The following TBC1D19 variants were observed in gnomAD, a reference collection of about 807,000 sequenced individuals.
The protein encoded by TBC1D19 is TBC1 domain family, member 19.
Under a neutral mutation model 89.0 loss-of-function variants are expected in TBC1D19, and 60 were observed. The observed-to-expected ratio is 0.67, with a 90% CI of 0.55 to 0.84. TBC1D19 has a LOEUF of 0.84. Ranked by LOEUF, TBC1D19 falls within the 40% of genes least tolerant of loss-of-function variation. TBC1D19 has a pLI of 0.00. For synonymous variants in TBC1D19, 189 were observed against 199.7 expected (o/e 0.95, Z 0.45); for missense variants, 500 against 610.8 (o/e 0.82, Z 1.91).
At chr4:26,681,895 A>G (rs1265059036) in intron 11 of TBC1D19, among the ~76,000 whole-genome samples, 1 of 152,214 alleles carries the variant, frequency 6.6e-6, no homozygotes, top group Admixed American at 6.5e-5. Flanking sequence ...ACGCCCAACT[A>G]TGATTACATA....
the TBC1D19 span, among the ~76,000 whole-genome samples, chr4:26,804,781 C>T: frequency 6.6e-6 from 1 of 152,182 alleles, no homozygotes; most frequent in Non-Finnish European, 1.5e-5. Flanking sequence ...CTCCAATAAA[C>T]GGGAAGCGGC....
chr4:26,582,852 A>G (rs1360657753), upstream of TBC1D19, among the ~76,000 whole-genome samples: 1 of 152,226 alleles, frequency 6.6e-6, no homozygotes, highest in Non-Finnish European at 1.5e-5. Flanking sequence ...TATAAATGTC[A>G]GAGTGCTGTG....
the TBC1D19 span, among the ~76,000 whole-genome samples, chr4:26,788,439 G>A: frequency 6.6e-6 from 1 of 152,004 alleles, no homozygotes. Flanking sequence ...GTGCAAAGAG[G>A]GCACATAGTT....
chr4:26,806,013 C>A, the TBC1D19 span, among the ~76,000 whole-genome samples: 8 of 152,106 alleles, frequency 5.3e-5, no homozygotes, highest in Non-Finnish European at 1.0e-4. Context: ...AGATTCCTCA[C>A]CACGGCCTCA....
At chr4:26,634,632 T>C (rs1375772400) in intron 4 of TBC1D19, among the ~76,000 whole-genome samples, 1 of 152,206 alleles carries the variant, frequency 6.6e-6, no homozygotes, top group Non-Finnish European at 1.5e-5. Flanking sequence ...TGGTACCATG[T>C]ATAGTCTGAA....
At chr4:26,650,322 C>A (rs1410250507) in intron 7 of TBC1D19, among the ~76,000 whole-genome samples, 1 of 152,086 alleles carries the variant, frequency 6.6e-6, no homozygotes, top group Non-Finnish European at 1.5e-5. Flanking sequence ...AGTTTACAGT[C>A]CCACCAACAG....
rs993655018 is a variant in TBC1D19, at chr4:26,691,816, T to C, written c.954+3409T>C. ...CTATATAAATAAAATTAATTCTTCATTTATACAATAATACTAGTTTGCCAA... is the reference window on the plus strand; with the variant it reads ...CTATATAAATAAAATTAATTCTTCACTTATACAATAATACTAGTTTGCCAA... On this transcript the variant is annotated intron_variant, in intron 13 of 20. Coordinates refer to ENST00000264866, the MANE Select transcript of TBC1D19 (RefSeq NM_018317.4). 2.6e-5 allele frequency among the ~76,000 whole-genome samples: 4 copies of C among 152,198 alleles called. No individual in the cohort carries two copies. In the East Asian group the frequency reaches 7.7e-4, roughly 29 times the overall value.
chr4:26,706,948 T>C lies in TBC1D19; in HGVS notation c.955-10985T>C, dbSNP rs939963215. ...TTGAAACTTAATTAGTGACCTAATATATGATCTATCTGGAAAATGTCCCAT... is the reference window on the plus strand; with the variant it reads ...TTGAAACTTAATTAGTGACCTAATACATGATCTATCTGGAAAATGTCCCAT... On this transcript the variant is annotated intron_variant, in intron 13 of 20. Coordinates refer to ENST00000264866, the MANE Select transcript of TBC1D19 (RefSeq NM_018317.4). Among the ~76,000 whole-genome samples the C allele has an allele frequency of 1.1e-4, 16 of 152,236 alleles. No homozygotes were observed. In the East Asian group the frequency reaches 2.1e-3, roughly 20 times the overall value.
intron 16 of TBC1D19, among the ~76,000 whole-genome samples, chr4:26,736,397 G>A (rs1718047627): frequency 6.9e-6 from 1 of 144,446 alleles, no homozygotes; most frequent in African/African-American, 2.6e-5. Context: ...ACTGTTGTGG[G>A]GTTGGGGGAG....
At chr4:26,812,132 T>C in the TBC1D19 span, among the ~76,000 whole-genome samples, 4 of 152,302 alleles carry the variant, frequency 2.6e-5, no homozygotes, top group South Asian at 8.3e-4. The surrounding 1 kb of genome is among the most constrained non-coding windows in gnomAD (Gnocchi z 4.2). Context: ...AGGAATGATC[T>C]GGGCCAGCAG....
At chr4:26,595,384 T>C (rs1419155748) in intron 1 of TBC1D19, among the ~76,000 whole-genome samples, 3 of 152,224 alleles carry the variant, frequency 2.0e-5, no homozygotes, top group Non-Finnish European at 4.4e-5. Context: ...TTTTCTTCAA[T>C]ATCTTTCTAA....
chr4:26,718,575 C>A (rs1002904304), intron 14 of TBC1D19, among the ~76,000 whole-genome samples: 1 of 152,058 alleles, frequency 6.6e-6, no homozygotes, highest in African/African-American at 2.4e-5. Context: ...ACACTGAAAG[C>A]TCAGACTTCA....
upstream of TBC1D19, among the ~76,000 whole-genome samples, chr4:26,579,878 G>C (rs2109919790): frequency 6.6e-6 from 1 of 152,292 alleles, no homozygotes; most frequent in East Asian, 1.9e-4. Context: ...GCCATCTCGA[G>C]ACTGCGGCGA....
At chr4:26,598,542 C>T (rs1428384161) in intron 1 of TBC1D19, among the ~76,000 whole-genome samples, 1 of 152,134 alleles carries the variant, frequency 6.6e-6, no homozygotes, top group Non-Finnish European at 1.5e-5. Flanking sequence ...CTACAGGCGC[C>T]CGCCACCACG....
intron 17 of TBC1D19, among the ~76,000 whole-genome samples, chr4:26,742,081 T>C (rs1411345962): frequency 2.0e-5 from 3 of 152,054 alleles, no homozygotes; most frequent in Admixed American, 6.5e-5. Flanking sequence ...AAGGGACATA[T>C]GGAGGGAGAG....
At chr4:26,852,526 C>T in the TBC1D19 span, among the ~76,000 whole-genome samples, 2 of 152,126 alleles carry the variant, frequency 1.3e-5, no homozygotes, top group Non-Finnish European at 1.5e-5. Flanking sequence ...CACTGTACTC[C>T]AGCCTGGGTG....
At chr4:26,623,337 C>T (rs1315810444) in intron 4 of TBC1D19, among the ~76,000 whole-genome samples, 1 of 152,102 alleles carries the variant, frequency 6.6e-6, no homozygotes, top group Non-Finnish European at 1.5e-5. Flanking sequence ...TGTTTAACTT[C>T]CAGTGGATTC....
chr4:26,820,054 T>C, the TBC1D19 span, among the ~76,000 whole-genome samples: 705 of 152,322 alleles, frequency 4.6e-3, 9 homozygotes, highest in African/African-American at 0.016. Context: ...TAATGGACAA[T>C]AATTACATAT....
intron 13 of TBC1D19, among the ~76,000 whole-genome samples, chr4:26,703,960 CAAAAA>C (rs11453747): frequency 1.8e-5 from 2 of 114,260 alleles, no homozygotes; most frequent in Non-Finnish European, 3.4e-5. Flanking sequence ...GACTCCGTCT[CAAAAA>C]AAAAAAAAAA....
Sources: gnomAD v4.1 joint callset for allele counts (sites outside exome capture counted in the v4.1 genomes callset) on GRCh38, gnomAD v4.1.1 for gene constraint, Gnocchi (gnomAD v3.1) non-coding constraint, MANE v1.5 for transcripts, NCBI Gene and HGNC (gene_info 2026-07-23, HGNC 2026-07-21) for gene names.